KCNH1: variants seen among roughly 807,000 people sequenced by gnomAD.
The protein encoded by KCNH1 is voltage-gated delayed rectifier potassium channel KCNH1.
A neutral mutation model predicts 69.2 loss-of-function variants in KCNH1; 27 were observed. The observed-to-expected ratio is 0.39, with a 90% CI of 0.29 to 0.54. The LOEUF is 0.54. Ranked by LOEUF, KCNH1 falls within the 20% of genes least tolerant of loss-of-function variation. The pLI is 0.68. For missense variants in KCNH1, 798 were observed against 1,261.6 expected, an observed-to-expected ratio of 0.63 and a Z score of 5.57; for synonymous variants, 456 against 487.7, an observed-to-expected ratio of 0.93 and a Z score of 0.86.
chr1:210,709,284 A>G (rs536106833), intron 10 of KCNH1, among the ~76,000 whole-genome samples: 1 of 152,314 alleles, frequency 6.6e-6, no homozygotes, highest in East Asian at 1.9e-4. Context: ...AGACACAGAT[A>G]TGCATACACG....
chr1:210,685,061 C>T (rs4628571), intron 10 of KCNH1, among the ~76,000 whole-genome samples: 63,558 of 151,996 alleles, frequency 0.42, 15,351 homozygotes, highest in South Asian at 0.58. Flanking sequence ...CAATACTTCA[C>T]GCAGAGGATG....
At chr1:211,115,921 G>T (rs1691571549) in intron 1 of KCNH1, among the ~76,000 whole-genome samples, 1 of 151,840 alleles carries the variant, frequency 6.6e-6, no homozygotes, top group African/African-American at 2.4e-5. Flanking sequence ...AATTGCTTGA[G>T]CTCAGGAGTT....
chr1:210,986,687 C>A (rs1435618305), intron 6 of KCNH1, among the ~76,000 whole-genome samples: 2 of 152,172 alleles, frequency 1.3e-5, no homozygotes, highest in Non-Finnish European at 2.9e-5. Flanking sequence ...TTGTGGGTAA[C>A]CCGACCATTC....
intron 7 of KCNH1, among the ~76,000 whole-genome samples, chr1:210,895,099 T>A (rs2102527787): frequency 6.6e-6 from 1 of 152,306 alleles, no homozygotes; most frequent in Admixed American, 6.5e-5. Context: ...TGTTACTTGA[T>A]GTCCAGTATC....
chr1:211,008,135 C>CA (rs1241419109), intron 6 of KCNH1, among the ~76,000 whole-genome samples: 1 of 152,026 alleles, frequency 6.6e-6, no homozygotes, highest in East Asian at 1.9e-4. Flanking sequence ...TCATAATCGC[C>CA]AAAAGTAGAA....
In KCNH1 at chr1:211,042,149, T is replaced by A. The variant is rs189179408; in HGVS notation, c.559-22893A>T. ...TCCATGTGGGTGAATTCTTCTCAAC[T>A]TTTAGGTCTCAAATTAAGTGTCATC... On this transcript the variant is annotated intron_variant, in intron 5 of 10. Coordinates refer to ENST00000271751, the MANE Select transcript of KCNH1 (RefSeq NM_172362.3). Among the ~76,000 whole-genome samples the A allele has an allele frequency of 1.2e-3, 189 of 152,280 alleles. 1 individual carries two copies. The highest frequency in any genetic ancestry group is 4.3e-3 in the African/African-American group (179 of 41,582).
In KCNH1 at chr1:210,733,455, G is replaced by A. The variant is rs538994013; in HGVS notation, c.2112+41893C>T. ...TCATCTTCAATTACCGTCCAAACCA[G>A]CCTGTTACAATGCCTAAAATTACAC... On this transcript the variant is annotated intron_variant, in intron 10 of 10. Coordinates refer to ENST00000271751, the MANE Select transcript of KCNH1 (RefSeq NM_172362.3). 2.0e-5 allele frequency among the ~76,000 whole-genome samples: 3 copies of A among 152,296 alleles called. No individual in the cohort carries two copies. In the South Asian group the frequency reaches 6.2e-4, roughly 32 times the overall value.
At chr1:210,881,175 G>A (rs1249787454) in intron 7 of KCNH1, among the ~76,000 whole-genome samples, 4 of 152,044 alleles carry the variant, frequency 2.6e-5, no homozygotes, top group Non-Finnish European at 5.9e-5. Context: ...GCTAATTTTT[G>A]TATATTTTGT....
In KCNH1 at chr1:210,944,505, C is replaced by T. The variant is rs1282095524; in HGVS notation, c.1033-24436G>A. ...AATGGAGAGCTCAAGACATAAGCCT[C>T]GCCTCAGGGGTTCTGGGACCACAGA... On this transcript the variant is annotated intron_variant, in intron 6 of 10. Coordinates refer to ENST00000271751, the MANE Select transcript of KCNH1 (RefSeq NM_172362.3). Among the ~76,000 whole-genome samples, 6 of 152,280 alleles carry T rather than the reference C, an allele frequency of 3.9e-5. No homozygotes were observed. In the South Asian group the frequency reaches 8.3e-4, roughly 21 times the overall value.
At chr1:210,743,803 T>G (rs1049872223) in intron 10 of KCNH1, among the ~76,000 whole-genome samples, 2 of 152,230 alleles carry the variant, frequency 1.3e-5, no homozygotes, top group African/African-American at 4.8e-5. Flanking sequence ...TGTGTCAGGT[T>G]TGTTAGCAGA....
chr1:210,861,126 C>A (rs1371122310), intron 7 of KCNH1: 16 of 896,266 alleles, frequency 1.8e-5, no homozygotes, highest in East Asian at 4.8e-5. Flanking sequence ...GAAATGAAAT[C>A]TTCAGACACA....
rs1415723150 is a variant in KCNH1 at position 210,679,512 on chromosome 1, G to A, written c.*3769C>T. The A allele has an allele frequency of 1.3e-5, 2 of 152,246 alleles. No homozygotes were observed. The highest frequency in any genetic ancestry group is 1.3e-4 in the Admixed American group (2 of 15,282). 9.4% of individuals were successfully genotyped at this position (152,246 alleles called of 1,614,324 possible). On this transcript the variant is annotated 3_prime_UTR_variant, in exon 11 of 11. Transcript: ENST00000271751. ...TGGTCAGTGCAACAAGGGGAAATGA[G>A]AATCTTCCTATACCTAGTCTTCCTA... is the stretch of plus-strand genomic sequence containing the variant.
chr1:210,683,263 T>G lies in KCNH1; in HGVS notation c.*18A>C. 1.2e-6 allele frequency: 2 copies of G among 1,606,156 alleles called. No individual in the cohort carries two copies. Among genetic ancestry groups the G allele is most frequent in the Non-Finnish European group, 1.7e-6 (2 of 1,176,168 alleles). ...GGTTGGAGGTATCTGTCTCTGACTT[T>G]TTTTTTAAATAGACCTCTCAGCTGG... On this transcript the variant is annotated 3_prime_UTR_variant, in exon 11 of 11. Transcript: ENST00000271751. The surrounding 1 kb of genome is among the most constrained non-coding windows in gnomAD (Gnocchi z 5.7).
At chr1:211,037,286 C>G (rs1458129384) in intron 5 of KCNH1, among the ~76,000 whole-genome samples, 3 of 152,074 alleles carry the variant, frequency 2.0e-5, no homozygotes, top group Non-Finnish European at 4.4e-5. Flanking sequence ...AGCCTCTGAG[C>G]CTTTTCACTA....
At position 211,107,304 on chromosome 1, in the gene KCNH1, C is replaced by T. The variant is rs763665697; in HGVS notation, c.153G>A (p.Lys51=). ...PIVYSNDGFC[K]LSGYHRAEVM... is the part of the protein sequence containing the mutation. ...CTTCTGCCCTGTGATAGCCAGACAG[C>T]TTGCAAAATCCATCATTGCTGTACA... The change falls in exon 2 of 11, where the codon AAG becomes AAA. Residue 51 remains lysine (K), a synonymous_variant. Coordinates refer to ENST00000271751, the MANE Select transcript of KCNH1 (RefSeq NM_172362.3). The T allele has an allele frequency of 6.8e-6, 11 of 1,613,534 alleles. No homozygotes were observed. The highest frequency in any genetic ancestry group is 2.2e-5 in the East Asian group (1 of 44,854).
intron 6 of KCNH1, among the ~76,000 whole-genome samples, chr1:210,949,384 T>C (rs1688020734): frequency 6.6e-6 from 1 of 152,218 alleles, no homozygotes; most frequent in African/African-American, 2.4e-5. Context: ...ATCTTACCAC[T>C]TGCCTCAAGA....
At chr1:210,930,982 C>T (rs1235863325) in intron 6 of KCNH1, among the ~76,000 whole-genome samples, 1 of 152,056 alleles carries the variant, frequency 6.6e-6, no homozygotes, top group Non-Finnish European at 1.5e-5. Flanking sequence ...TTCACTCCTA[C>T]AAGAATGGCC....
rs5780602 is a variant in KCNH1 at position 210,733,947 on chromosome 1, T to TCACACA, written c.2112+41400_2112+41401insTGTGTG. 1.8e-3 allele frequency among the ~76,000 whole-genome samples: 263 copies of TCACACA among 142,196 alleles called. 4 individuals are homozygous for TCACACA. The highest frequency in any genetic ancestry group is 6.5e-3 in the African/African-American group (252 of 38,706). The allele number at this position is 142,196 out of a possible 152,430, so 93.3% of individuals were successfully genotyped here. ...CATCTTCAATTAGTATGTCTGTCTG[T>TCACACA]CTCACACACACACACACACACACAC... On this transcript the variant is annotated intron_variant, in intron 10 of 10. Coordinates refer to ENST00000271751, the MANE Select transcript of KCNH1 (RefSeq NM_172362.3).
chr1:211,064,560 C>CA (rs925343588), intron 5 of KCNH1, among the ~76,000 whole-genome samples: 8 of 150,668 alleles, frequency 5.3e-5, no homozygotes, highest in Non-Finnish European at 1.0e-4. Context: ...GACTCCATCT[C>CA]AAAAAAAACA....
Sources: allele counts gnomAD v4.1 joint callset (sites outside exome capture counted in the v4.1 genomes callset), GRCh38; gene constraint gnomAD v4.1.1; non-coding constraint Gnocchi (gnomAD v3.1); transcripts MANE v1.5; gene names NCBI Gene and HGNC (gene_info 2026-07-23, HGNC 2026-07-21).